The following PRKG1 variants were observed in gnomAD, a reference collection of about 807,000 sequenced individuals.
PRKG1 encodes cGMP-dependent protein kinase 1.
A neutral mutation model predicts 88.1 loss-of-function variants in PRKG1; 35 were observed. That is an observed-to-expected ratio of 0.40 (90% CI 0.30 to 0.53). The LOEUF is 0.53. PRKG1 is among the 20% of genes least tolerant of loss of function. The probability of loss-of-function intolerance (pLI) is 0.59; values close to 1 mark genes in which losing one functional copy is unlikely to be tolerated. For missense variants in PRKG1, 540 were observed against 839.8 expected, an observed-to-expected ratio of 0.64 and a Z score of 4.41; for synonymous variants, 303 against 292.5, an observed-to-expected ratio of 1.04 and a Z score of -0.37.
chr10:51,025,798 T>C (rs2132740030), intron 1 of PRKG1, among the ~76,000 whole-genome samples: 1 of 152,268 alleles, frequency 6.6e-6, no homozygotes, highest in Middle Eastern at 3.4e-3. Context: ...TCTCATAAAT[T>C]AGATCTTATC....
chr10:51,408,657 C>T (rs1267760116), intron 2 of PRKG1, among the ~76,000 whole-genome samples: 2 of 152,170 alleles, frequency 1.3e-5, no homozygotes, highest in Non-Finnish European at 2.9e-5. Context: ...GGGCACTCAG[C>T]AGTGGCCATA....
At chr10:51,065,654 G>A (rs967366507) in intron 1 of PRKG1, among the ~76,000 whole-genome samples, 2 of 152,046 alleles carry the variant, frequency 1.3e-5, no homozygotes, top group South Asian at 4.1e-4. Flanking sequence ...TTTTCCATCA[G>A]AGAGGTGTGT....
intron 2 of PRKG1, among the ~76,000 whole-genome samples, chr10:51,277,715 A>T (rs2132192440): frequency 6.6e-6 from 1 of 152,266 alleles, no homozygotes; most frequent in East Asian, 1.9e-4. Context: ...TTCTCTTTGA[A>T]GCAATTGTGA....
chr10:51,868,746 A>T (rs1007064453), intron 4 of PRKG1, among the ~76,000 whole-genome samples: 23 of 152,202 alleles, frequency 1.5e-4, no homozygotes, highest in Non-Finnish European at 2.4e-4. Context: ...ACCTGCATAA[A>T]TAATATGGAC....
chr10:51,952,942 T>C (rs1183619059), intron 5 of PRKG1, among the ~76,000 whole-genome samples: 1 of 152,232 alleles, frequency 6.6e-6, no homozygotes, highest in Non-Finnish European at 1.5e-5. Context: ...GTTTATTGTA[T>C]CCAAGTGAAT....
intron 2 of PRKG1, among the ~76,000 whole-genome samples, chr10:51,345,189 C>G (rs1460374544): frequency 1.3e-5 from 2 of 152,050 alleles, no homozygotes; most frequent in Non-Finnish European, 2.9e-5. Flanking sequence ...TTAAATTACC[C>G]TATTTTAAAC....
At chr10:51,131,620 A>G (rs934644817) in intron 1 of PRKG1, among the ~76,000 whole-genome samples, 1 of 152,154 alleles carries the variant, frequency 6.6e-6, no homozygotes, top group South Asian at 2.1e-4. Context: ...ACATACATAC[A>G]TACAGTGGAA....
chr10:51,656,949 T>C (rs921039668), intron 3 of PRKG1, among the ~76,000 whole-genome samples: 1 of 152,152 alleles, frequency 6.6e-6, no homozygotes, highest in African/African-American at 2.4e-5. Context: ...GACTTGGCAC[T>C]GTGTGGCCTT....
intron 3 of PRKG1, among the ~76,000 whole-genome samples, chr10:51,471,531 C>T (rs1840049596): frequency 6.6e-6 from 1 of 151,772 alleles, no homozygotes; most frequent in Admixed American, 6.6e-5. Flanking sequence ...ACAGCTATAG[C>T]AATATCAATT....
At chr10:52,037,166 T>C (rs934990225) in intron 5 of PRKG1, among the ~76,000 whole-genome samples, 1 of 152,176 alleles carries the variant, frequency 6.6e-6, no homozygotes, top group African/African-American at 2.4e-5. Context: ...GGACACGGCT[T>C]AGGAGGAATC....
At chr10:51,597,173 G>GTT (rs148426127) in intron 3 of PRKG1, among the ~76,000 whole-genome samples, 221 of 148,368 alleles carry the variant, frequency 1.5e-3, no homozygotes, top group African/African-American at 5.0e-3. Context: ...TCTAGAGTTT[G>GTT]TTTTTTTTTT....
rs1847876705 is a variant in PRKG1, at chr10:52,123,922, CCTT to C, written c.936-9914_936-9912del. Among the ~76,000 whole-genome samples, 3 of 152,192 alleles carry C rather than the reference CCTT, an allele frequency of 2.0e-5. No individual in the cohort carries two copies. In the South Asian group the frequency reaches 6.2e-4, roughly 32 times the overall value. ...TCTTCTCTGTGTTCTATGGTCTCTG[CCTT>C]CTTTTCTTTTACTCAATCTCTGAAT... On this transcript the variant is annotated intron_variant, in intron 7 of 17. Transcript: ENST00000373980.
chr10:51,592,661 A>G (rs182149747), intron 3 of PRKG1, among the ~76,000 whole-genome samples: 113 of 152,250 alleles, frequency 7.4e-4, no homozygotes, highest in African/African-American at 2.6e-3. Flanking sequence ...TCTCCTTCTC[A>G]TTTTGAGTTT....
intron 1 of PRKG1, among the ~76,000 whole-genome samples, chr10:51,115,984 T>C (rs1352244903): frequency 6.6e-6 from 1 of 152,040 alleles, no homozygotes; most frequent in Non-Finnish European, 1.5e-5. Context: ...ACCGAGTACA[T>C]GTATAGGCTG....
intron 1 of PRKG1, among the ~76,000 whole-genome samples, chr10:51,088,508 A>G (rs1844313949): frequency 6.6e-6 from 1 of 151,976 alleles, no homozygotes; most frequent in African/African-American, 2.4e-5. Flanking sequence ...ATATCTGAAA[A>G]TCAGTGGTTG....
At chr10:51,025,393 G>T (rs1290678534) in intron 1 of PRKG1, among the ~76,000 whole-genome samples, 1 of 152,102 alleles carries the variant, frequency 6.6e-6, no homozygotes, top group African/African-American at 2.4e-5. Flanking sequence ...TAACTGGCTG[G>T]TCCTGGTGTC....
chr10:52,106,179 A>G (rs548241736), intron 7 of PRKG1, among the ~76,000 whole-genome samples: 10 of 152,300 alleles, frequency 6.6e-5, no homozygotes, highest in African/African-American at 2.2e-4. Flanking sequence ...CAAACTGTCA[A>G]TTCACAAGTA....
Position 50,991,282 on chromosome 10 carries a change from C to G in PRKG1, c.-97C>G. 2.1e-6 allele frequency: 3 copies of G among 1,446,212 alleles called. No individual in the cohort carries two copies. The highest frequency in any genetic ancestry group is 2.8e-5 in the South Asian group (2 of 70,802). 89.6% of individuals were successfully genotyped at this position (1,446,212 alleles called of 1,614,324 possible). On this transcript the variant is annotated 5_prime_UTR_variant, in exon 1 of 18. Transcript: ENST00000401604. The surrounding 1 kb of genome is among the most constrained non-coding windows in gnomAD (Gnocchi z 4.5). ...CTTAGCGCCCATTCACTCGCTCACCCGCGCTCTCCGCTGCCGGCTGCCGTC... is the reference window on the plus strand; with the variant it reads ...CTTAGCGCCCATTCACTCGCTCACCGGCGCTCTCCGCTGCCGGCTGCCGTC...
In PRKG1 at chr10:51,989,217, A is replaced by C. The variant is rs139792417; in HGVS notation, c.763-65267A>C. Among the ~76,000 whole-genome samples, 3 of 152,260 alleles carry C rather than the reference A, an allele frequency of 2.0e-5. No individual in the cohort carries two copies. The East Asian group carries it at 5.8e-4, about 29-fold the overall frequency. The stretch of plus-strand genomic sequence containing the variant: ...GGGTATGTTATCGGATGGGTGGAAG[A>C]GGAAAAGTAAGTAGGTGAAGCTAGA... On this transcript the variant is annotated intron_variant, in intron 5 of 17. Coordinates refer to ENST00000373980, the MANE Select transcript of PRKG1 (RefSeq NM_006258.4).
Sources: allele counts gnomAD v4.1 joint callset (sites outside exome capture counted in the v4.1 genomes callset), GRCh38; gene constraint gnomAD v4.1.1; non-coding constraint Gnocchi (gnomAD v3.1); transcripts MANE v1.5; gene names NCBI Gene and HGNC (gene_info 2026-07-23, HGNC 2026-07-21).